Variants in KIRREL1 observed in about 807,000 individuals in gnomAD.
The protein encoded by KIRREL1 is kin of IRRE-like protein 1.
A neutral mutation model predicts 83.3 loss-of-function variants in KIRREL1; 25 were observed. The ratio of observed to expected loss-of-function variants is 0.30; its 90% CI spans 0.22 to 0.42. The LOEUF is 0.42. Among genes scored for constraint, KIRREL1 ranks in the 10% least tolerant of loss-of-function variants. The pLI, the probability that KIRREL1 is intolerant of heterozygous loss-of-function variation, is 1.00. For missense variants in KIRREL1, 812 were observed against 1,032.3 expected, an observed-to-expected ratio of 0.79 and a Z score of 2.92; for synonymous variants, 388 against 410.4, an observed-to-expected ratio of 0.95 and a Z score of 0.66.
intron 3 of KIRREL1, among the ~76,000 whole-genome samples, chr1:158,080,673 G>A (rs73024658): frequency 0.022 from 3,373 of 152,234 alleles, 121 homozygotes; most frequent in African/African-American, 0.077. Flanking sequence ...GTGTCTCCTC[G>A]GGGCTCTACC....
chr1:158,031,295 C>CT (rs1241492383), intron 1 of KIRREL1: 2 of 152,132 alleles, frequency 1.3e-5, no homozygotes, highest in African/African-American at 4.8e-5. Context: ...TAGAACTTGT[C>CT]TTCTTATTCT....
At chr1:158,024,406 G>C (rs773895187) in intron 1 of KIRREL1, among the ~76,000 whole-genome samples, 3 of 150,434 alleles carry the variant, frequency 2.0e-5, no homozygotes, top group African/African-American at 7.4e-5. Flanking sequence ...GACCTCCCTA[G>C]TAGCTGGGAC....
At chr1:158,076,561 C>T (rs1161632355) in intron 2 of KIRREL1, among the ~76,000 whole-genome samples, 1 of 152,190 alleles carries the variant, frequency 6.6e-6, no homozygotes, top group Non-Finnish European at 1.5e-5. Flanking sequence ...GTGAGGGGAG[C>T]TGCAGGCAGA....
intron 1 of KIRREL1, among the ~76,000 whole-genome samples, chr1:158,050,559 C>G (rs988942312): frequency 6.6e-6 from 1 of 152,064 alleles, no homozygotes; most frequent in Non-Finnish European, 1.5e-5. Flanking sequence ...TAGAATGTGC[C>G]CATTAAAGCC....
chr1:158,036,894 C>A (rs143451865), intron 1 of KIRREL1, among the ~76,000 whole-genome samples: 1 of 152,112 alleles, frequency 6.6e-6, no homozygotes, highest in Non-Finnish European at 1.5e-5. Flanking sequence ...TGAGGACGGC[C>A]GATAGCTGGG....
At position 158,096,592 on chromosome 1, in the gene KIRREL1, G is replaced by C. The variant is rs559904415; in HGVS notation, c.*1472G>C. The C allele has an allele frequency of 1.1e-4, 52 of 456,858 alleles. No individual in the cohort carries two copies. The highest frequency in any genetic ancestry group is 7.3e-4 in the South Asian group (47 of 64,574). The allele number at this position is 456,858 out of a possible 1,614,324, so 28.3% of individuals were successfully genotyped here. The stretch of plus-strand genomic sequence containing the variant: ...CCCTGACAGAGAACTTGTGCTGACC[G>C]GGAGAAGGTGGTGCGGAAGGGCACC... On this transcript the variant is annotated 3_prime_UTR_variant, in exon 15 of 15. Transcript: ENST00000359209.
At chr1:158,002,881 A>G (rs1659406045) in intron 1 of KIRREL1, among the ~76,000 whole-genome samples, 1 of 151,924 alleles carries the variant, frequency 6.6e-6, no homozygotes, top group Admixed American at 6.6e-5. Flanking sequence ...GAGCCGAGGA[A>G]TCCGAAGGAG....
chr1:158,054,530 C>G (rs1661000019), intron 1 of KIRREL1, among the ~76,000 whole-genome samples: 1 of 152,082 alleles, frequency 6.6e-6, no homozygotes, highest in Admixed American at 6.6e-5. Context: ...AAGCCCTGTC[C>G]CTGTCCTCAA....
chr1:158,068,965 G>C (rs1661432119), intron 1 of KIRREL1, among the ~76,000 whole-genome samples: 1 of 152,166 alleles, frequency 6.6e-6, no homozygotes, highest in Non-Finnish European at 1.5e-5. Flanking sequence ...GAGAGCGTGG[G>C]GACTGCTCTG....
At chr1:158,069,971 A>G (rs1345535132) in intron 1 of KIRREL1, among the ~76,000 whole-genome samples, 1 of 152,196 alleles carries the variant, frequency 6.6e-6, no homozygotes, top group East Asian at 1.9e-4. Flanking sequence ...GAATCACCAA[A>G]ACCTCTCTGG....
At chr1:158,037,450 G>A (rs1002170064) in intron 1 of KIRREL1, among the ~76,000 whole-genome samples, 7 of 136,784 alleles carry the variant, frequency 5.1e-5, no homozygotes, top group East Asian at 2.1e-4. Flanking sequence ...CTGAGATTGC[G>A]CCACTGCACT....
intron 1 of KIRREL1, among the ~76,000 whole-genome samples, chr1:158,011,415 G>A (rs1053718034): frequency 1.3e-5 from 2 of 152,222 alleles, no homozygotes; most frequent in African/African-American, 4.8e-5. Context: ...CTGAAGAGCT[G>A]AGCCCAGCCT....
At chr1:158,016,336 C>G (rs533906438) in intron 1 of KIRREL1, among the ~76,000 whole-genome samples, 3 of 151,828 alleles carry the variant, frequency 2.0e-5, no homozygotes, top group Non-Finnish European at 2.9e-5. Context: ...AAAATGTCAA[C>G]TACTATTTTA....
chr1:158,062,566 C>G (rs1418788709), intron 1 of KIRREL1, among the ~76,000 whole-genome samples: 1 of 152,280 alleles, frequency 6.6e-6, no homozygotes, highest in Non-Finnish European at 1.5e-5. Flanking sequence ...TTGGAAAACT[C>G]TAGCATGTCC....
chr1:158,009,150 G>A (rs1008228549), intron 1 of KIRREL1, among the ~76,000 whole-genome samples: 17 of 152,108 alleles, frequency 1.1e-4, no homozygotes, highest in Admixed American at 3.9e-4. Context: ...TCTGTCCCTC[G>A]TTCCTGTTCC....
intron 10 of KIRREL1, among the ~76,000 whole-genome samples, chr1:158,090,139 T>C (rs10908618): frequency 0.7 from 107,009 of 151,868 alleles, 38,008 homozygotes; most frequent in South Asian, 0.81. Context: ...GGCCAGCACT[T>C]GATTCATGTT....
intron 1 of KIRREL1, among the ~76,000 whole-genome samples, chr1:158,055,545 C>T (rs1661032888): frequency 1.3e-5 from 2 of 152,272 alleles, no homozygotes; most frequent in East Asian, 1.9e-4. Flanking sequence ...GTGCCCTGGC[C>T]GATGTCCAAG....
At chr1:158,070,604 A>T (rs1445595147) in intron 1 of KIRREL1, among the ~76,000 whole-genome samples, 1 of 152,182 alleles carries the variant, frequency 6.6e-6, no homozygotes, top group East Asian at 1.9e-4. Context: ...GCAGGCTGTG[A>T]TAAAGTGTTA....
intron 1 of KIRREL1, among the ~76,000 whole-genome samples, chr1:158,006,998 G>A (rs1204999884): frequency 6.6e-6 from 1 of 152,196 alleles, no homozygotes; most frequent in Non-Finnish European, 1.5e-5. Flanking sequence ...AGGAGGGGAT[G>A]GGGTCTGTGG....
Sources: allele counts gnomAD v4.1 joint callset (sites outside exome capture counted in the v4.1 genomes callset), GRCh38; gene constraint gnomAD v4.1.1; transcripts MANE v1.5; gene names NCBI Gene and HGNC (gene_info 2026-07-23, HGNC 2026-07-21).